The following TNFAIP8 variants were observed in gnomAD, a reference collection of about 807,000 sequenced individuals.
TNFAIP8 encodes the protein TNF alpha induced protein 8.
Under a neutral mutation model 13.3 loss-of-function variants are expected in TNFAIP8, and 7 were observed. The ratio of observed to expected loss-of-function variants is 0.52; its 90% CI spans 0.30 to 0.99. The LOEUF is 0.99. TNFAIP8 is among the 50% of genes least tolerant of loss of function. The pLI, the probability that TNFAIP8 is intolerant of heterozygous loss-of-function variation, is 0.07. For synonymous variants in TNFAIP8, 94 were observed against 87.6 expected, an observed-to-expected ratio of 1.07 and a Z score of -0.41; for missense variants, 258 against 236.9, an observed-to-expected ratio of 1.09 and a Z score of -0.58.
At chr5:119,351,024 G>T (rs1751116041), upstream of TNFAIP8, among the ~76,000 whole-genome samples, 1 of 151,108 alleles carries the variant, frequency 6.6e-6, no homozygotes, top group Admixed American at 6.6e-5. Context: ...GTGTGTGTGT[G>T]TGTGTGTGTG....
chr5:119,347,139 A>G (rs1462882686), intron 1 of TNFAIP8, among the ~76,000 whole-genome samples: 1 of 152,242 alleles, frequency 6.6e-6, no homozygotes, highest in Non-Finnish European at 1.5e-5. Context: ...GCTAAGAAAC[A>G]ATACCTTGCC....
chr5:119,327,079 A>G (rs1434194412), intron 1 of TNFAIP8, among the ~76,000 whole-genome samples: 1 of 152,132 alleles, frequency 6.6e-6, no homozygotes, highest in Admixed American at 6.5e-5. Context: ...CCTCTGTAAG[A>G]AAAGGACTGC....
intron 1 of TNFAIP8, among the ~76,000 whole-genome samples, chr5:119,295,888 A>G (rs1038796954): frequency 4.6e-5 from 7 of 151,496 alleles, no homozygotes; most frequent in Non-Finnish European, 8.8e-5. Context: ...TTCTCTTTGA[A>G]GCAATTGTGA....
intron 1 of TNFAIP8, among the ~76,000 whole-genome samples, chr5:119,381,766 C>G (rs1239734237): frequency 6.6e-6 from 1 of 151,936 alleles, no homozygotes; most frequent in Non-Finnish European, 1.5e-5. Context: ...AACCCCGTCT[C>G]TACTAAAAAT....
At chr5:119,306,475 C>T (rs987292418) in intron 1 of TNFAIP8, 1 of 152,132 alleles carries the variant, frequency 6.6e-6, no homozygotes, top group Non-Finnish European at 1.5e-5. Context: ...CCTTAGGCAA[C>T]CTGGTGGTCC....
intron 1 of TNFAIP8, among the ~76,000 whole-genome samples, chr5:119,304,326 A>C (rs1018145749): frequency 1.3e-5 from 2 of 152,080 alleles, no homozygotes; most frequent in African/African-American, 4.8e-5. Context: ...ATCAAGTTCA[A>C]ACTCCTTCAC....
intron 1 of TNFAIP8, among the ~76,000 whole-genome samples, chr5:119,350,074 G>T (rs1464359623): frequency 1.3e-5 from 2 of 152,166 alleles, no homozygotes; most frequent in Non-Finnish European, 2.9e-5. Context: ...GACCCAAGGG[G>T]GCTAATTTGG....
chr5:119,392,494 G>C (rs1281908718), intron 1 of TNFAIP8, among the ~76,000 whole-genome samples: 1 of 152,018 alleles, frequency 6.6e-6, no homozygotes, highest in East Asian at 1.9e-4. Context: ...GGGTTCAAGC[G>C]ATTCTTCTGC....
chr5:119,342,823 T>C (rs1211483555), intron 1 of TNFAIP8, among the ~76,000 whole-genome samples: 1 of 152,230 alleles, frequency 6.6e-6, no homozygotes, highest in African/African-American at 2.4e-5. Flanking sequence ...GCGTTACTTT[T>C]TTCAGTCTCT....
chr5:119,295,526 A>G (rs1156345777), intron 1 of TNFAIP8, among the ~76,000 whole-genome samples: 1 of 152,046 alleles, frequency 6.6e-6, no homozygotes, highest in Non-Finnish European at 1.5e-5. Flanking sequence ...TGTTTTGGTT[A>G]CTGTAGCCTT....
intron 1 of TNFAIP8, among the ~76,000 whole-genome samples, chr5:119,283,563 CTT>C (rs1027176897): frequency 2.6e-5 from 4 of 152,206 alleles, no homozygotes; most frequent in African/African-American, 9.7e-5. Flanking sequence ...AAGGGAAACT[CTT>C]AGCCTTGGTC....
intron 1 of TNFAIP8, among the ~76,000 whole-genome samples, chr5:119,368,281 C>T (rs1751939744): frequency 6.6e-6 from 1 of 151,860 alleles, no homozygotes; most frequent in Non-Finnish European, 1.5e-5. Context: ...TTTTTGGCAT[C>T]TTGTTGCCTA....
intron 1 of TNFAIP8, among the ~76,000 whole-genome samples, chr5:119,323,175 A>G (rs1316303287): frequency 6.6e-6 from 1 of 152,060 alleles, no homozygotes; most frequent in African/African-American, 2.4e-5. Context: ...CACCCCCTAC[A>G]CTTTCTCCAG....
At chr5:119,361,280 T>C (rs1751626010) in intron 1 of TNFAIP8, among the ~76,000 whole-genome samples, 1 of 152,212 alleles carries the variant, frequency 6.6e-6, no homozygotes, top group East Asian at 1.9e-4. Context: ...ATTGCTTAAA[T>C]TTTATTCTAA....
intron 1 of TNFAIP8, among the ~76,000 whole-genome samples, chr5:119,383,006 T>A (rs1752545065): frequency 6.6e-6 from 1 of 152,246 alleles, no homozygotes; most frequent in South Asian, 2.1e-4. Flanking sequence ...ATTGCACTAA[T>A]CCTCAAAGCC....
chr5:119,298,161 G>T (rs1749239228), intron 1 of TNFAIP8, among the ~76,000 whole-genome samples: 2 of 152,138 alleles, frequency 1.3e-5, no homozygotes. Context: ...GATGTTAGCT[G>T]GTTATTTTGC....
chr5:119,335,274 T>C (rs561959649), intron 1 of TNFAIP8, among the ~76,000 whole-genome samples: 1 of 152,316 alleles, frequency 6.6e-6, no homozygotes, highest in East Asian at 1.9e-4. Flanking sequence ...CTCTTTTGCC[T>C]AGGAATTTTA....
chr5:119,314,623 A>G (rs1341713310), intron 1 of TNFAIP8, among the ~76,000 whole-genome samples: 1 of 152,218 alleles, frequency 6.6e-6, no homozygotes, highest in Admixed American at 6.5e-5. Flanking sequence ...ACTGATTGGG[A>G]TTTGTTTTTT....
intron 1 of TNFAIP8, among the ~76,000 whole-genome samples, chr5:119,347,375 T>C (rs546190053): frequency 6.6e-6 from 1 of 152,336 alleles, no homozygotes; most frequent in East Asian, 1.9e-4. Context: ...TTAAATGGCA[T>C]ATGATGGGGC....
Sources: allele counts gnomAD v4.1 joint callset (sites outside exome capture counted in the v4.1 genomes callset), GRCh38; gene constraint gnomAD v4.1.1; transcripts MANE v1.5; gene names NCBI Gene and HGNC (gene_info 2026-07-23, HGNC 2026-07-21).